The following SLC12A1 variants were observed in gnomAD, a reference collection of about 807,000 sequenced individuals.
SLC12A1 encodes the protein solute carrier family 12 member 1.
Under a neutral mutation model 130.4 loss-of-function variants are expected in SLC12A1, and 89 were observed. The ratio of observed to expected loss-of-function variants is 0.68; its 90% CI spans 0.58 to 0.81. SLC12A1 has a LOEUF of 0.81. Ranked by LOEUF, SLC12A1 falls within the 40% of genes least tolerant of loss-of-function variation. The probability of loss-of-function intolerance (pLI) is 0.00; values close to 1 mark genes in which losing one functional copy is unlikely to be tolerated. For synonymous variants in SLC12A1, 499 were observed against 460.0 expected, an observed-to-expected ratio of 1.08 and a Z score of -1.09; for missense variants, 1,310 against 1,336.4, an observed-to-expected ratio of 0.98 and a Z score of 0.31.
At chr15:48,278,329 C>T (rs1298245523) in intron 20 of SLC12A1, among the ~76,000 whole-genome samples, 1 of 152,172 alleles carries the variant, frequency 6.6e-6, no homozygotes, top group Non-Finnish European at 1.5e-5. Context: ...TCCCAGCTAC[C>T]CTATGAGGAG....
intron 4 of SLC12A1, chr15:48,224,244 T>G (rs1192499104): frequency 2.6e-5 from 4 of 152,200 alleles, no homozygotes; most frequent in African/African-American, 9.7e-5. Context: ...CCCTGAATTC[T>G]GGGTCGGCCT....
chr15:48,232,607 C>A (rs1360154168), intron 7 of SLC12A1, 120 bp from the exon 8 acceptor site: 3 of 723,842 alleles, frequency 4.1e-6, no homozygotes, highest in African/African-American at 1.7e-5. Flanking sequence ...CTCTGGGTAG[C>A]AGAGACTTAA....
chr15:48,239,291 G>A (rs2041474174), intron 9 of SLC12A1, among the ~76,000 whole-genome samples: 1 of 151,962 alleles, frequency 6.6e-6, no homozygotes. Flanking sequence ...GTGGGTGATT[G>A]CTTGAGCCCA....
chr15:48,277,322 T>A (rs2041963544), intron 20 of SLC12A1, among the ~76,000 whole-genome samples: 1 of 151,926 alleles, frequency 6.6e-6, no homozygotes, highest in South Asian at 2.1e-4. Flanking sequence ...TTAAAAAATT[T>A]TTAAAAATTA....
At chr15:48,227,258 A>G in intron 5 of SLC12A1, 1 of 1,009,992 alleles carries the variant, frequency 9.9e-7, no homozygotes. Context: ...TGAAAGTAAC[A>G]TATTGCTAAT....
chr15:48,247,591 A>C (rs1597425503), intron 13 of SLC12A1, 131 bp downstream of exon 13: 1 of 698,938 alleles, frequency 1.4e-6, no homozygotes, highest in Non-Finnish European at 2.3e-6. Flanking sequence ...GCATCTAAGA[A>C]GGAAATGAGA....
chr15:48,227,219 A>T, intron 5 of SLC12A1: 1 of 1,209,160 alleles, frequency 8.3e-7, no homozygotes. Context: ...GGTTACTAGT[A>T]ATGTCTGGAG....
intron 20 of SLC12A1, among the ~76,000 whole-genome samples, 155 bp from the exon 21 acceptor site, chr15:48,284,951 G>C (rs952579981): frequency 6.6e-6 from 1 of 152,110 alleles, no homozygotes; most frequent in African/African-American, 2.4e-5. Context: ...ACTTGTATTA[G>C]AAGATAATAT....
intron 17 of SLC12A1, among the ~76,000 whole-genome samples, chr15:48,266,490 T>A (rs1040216893): frequency 6.6e-6 from 1 of 150,894 alleles, no homozygotes; most frequent in African/African-American, 2.4e-5. Flanking sequence ...CTCTCCAATC[T>A]AAGACCCTTT....
Position 48,230,421 on chromosome 15 carries a change from C to A in SLC12A1, c.893C>A (p.Thr298Asn). The change falls in exon 7 of 27, where the codon ACC becomes AAC. Residue 298 changes from threonine to asparagine, a missense_variant. Coordinates refer to ENST00000380993, the MANE Select transcript of SLC12A1 (RefSeq NM_000338.3). The stretch of plus-strand genomic sequence containing the variant: ...AGTGATTCGATGATGGTGGATCCAA[C>A]CAATGACATCCGGATTATAGGCTCC... Reference protein sequence around the residue: ...KESDSMMVDPTNDIRIIGSIT... With the variant: ...KESDSMMVDPNNDIRIIGSIT... 1.2e-6 allele frequency: 2 copies of A among 1,612,396 alleles called. No individual in the cohort carries two copies. Among genetic ancestry groups the A allele is most frequent in the South Asian group, 2.2e-5 (2 of 90,388 alleles).
rs1597412771 is a variant in SLC12A1, at chr15:48,232,813, G to T, written c.1062G>T (p.Lys354Asn). Reference protein sequence around the residue: ...GTVIPSNNEKKSRGFFNYQAS... With the variant: ...GTVIPSNNEKNSRGFFNYQAS... ...TCATTCCATCCAACAATGAGAAAAA[G>T]TCCAGAGGTTTCTTTAATTACCAAG... The change falls in exon 8 of 27, where the codon AAG (lysine) becomes AAT (asparagine). Residue 354 changes from lysine to asparagine, a missense_variant. Lys to Asn is a moderately conservative substitution (Grantham distance 94, BLOSUM62 0). Transcript: ENST00000380993. 1 of 1,610,240 alleles carries T rather than the reference G, an allele frequency of 6.2e-7. No homozygotes were observed. Among genetic ancestry groups the T allele is most frequent in the East Asian group, 2.2e-5 (1 of 44,872 alleles).
At chr15:48,289,812 G>A (rs1471803339) in intron 23 of SLC12A1, among the ~76,000 whole-genome samples, 1 of 152,172 alleles carries the variant, frequency 6.6e-6, no homozygotes, top group African/African-American at 2.4e-5. Flanking sequence ...CAGTTGCTCT[G>A]GGTGAGTCAG....
intron 5 of SLC12A1, 85 bp from the exon 6 acceptor site, chr15:48,229,104 T>A (rs1434780930): frequency 1.4e-6 from 2 of 1,390,764 alleles, no homozygotes; most frequent in East Asian, 2.5e-5. Context: ...TAATTCACAC[T>A]GTAAATGTTC....
intron 9 of SLC12A1, among the ~76,000 whole-genome samples, chr15:48,237,657 AG>A (rs1300291645): frequency 6.6e-6 from 1 of 152,234 alleles, no homozygotes; most frequent in Non-Finnish European, 1.5e-5. Flanking sequence ...TTTTATAATT[AG>A]GCTTAACTTT....
intron 23 of SLC12A1, among the ~76,000 whole-genome samples, chr15:48,289,312 G>A (rs1183704514): frequency 1.3e-5 from 2 of 149,206 alleles, no homozygotes; most frequent in Non-Finnish European, 1.5e-5. Context: ...ACTTCCAGAA[G>A]TCACAAAATA....
chr15:48,251,364 G>A (rs777169790), intron 14 of SLC12A1, among the ~76,000 whole-genome samples: 5 of 151,626 alleles, frequency 3.3e-5, no homozygotes, highest in African/African-American at 7.3e-5. Context: ...ACGGAGTATG[G>A]AGGGTCCTGA....
chr15:48,295,812 C>T (rs1468433510), intron 24 of SLC12A1, among the ~76,000 whole-genome samples: 1 of 152,146 alleles, frequency 6.6e-6, no homozygotes, highest in Admixed American at 6.5e-5. Context: ...TCTCTTCAGC[C>T]TCCTACCATA....
intron 19 of SLC12A1, among the ~76,000 whole-genome samples, chr15:48,272,016 T>A (rs1466856465): frequency 2.0e-5 from 3 of 152,226 alleles, no homozygotes; most frequent in African/African-American, 7.2e-5. Flanking sequence ...TACCTTGGAC[T>A]GTCTTCCAAC....
intron 2 of SLC12A1, among the ~76,000 whole-genome samples, chr15:48,209,256 G>A (rs901446087): frequency 6.6e-6 from 1 of 152,052 alleles, no homozygotes; most frequent in Non-Finnish European, 1.5e-5. Flanking sequence ...TAGTAAAGAT[G>A]GGGTTTCTCC....
Sources: gnomAD v4.1 joint callset for allele counts (sites outside exome capture counted in the v4.1 genomes callset) on GRCh38, gnomAD v4.1.1 for gene constraint, MANE v1.5 for transcripts, NCBI Gene and HGNC (gene_info 2026-07-23, HGNC 2026-07-21) for gene names.